The following PROSER3 variants were observed in gnomAD, a reference collection of about 807,000 sequenced individuals.
PROSER3 encodes the protein proline and serine-rich protein 3.
PROSER3 carries 33 observed loss-of-function variants against 50.2 expected under a neutral mutation model. That is an observed-to-expected ratio of 0.66 (90% CI 0.50 to 0.88). PROSER3 has a LOEUF of 0.88. PROSER3 is among the 40% of genes least tolerant of loss of function. The probability of loss-of-function intolerance (pLI) is 0.00; values close to 1 mark genes in which losing one functional copy is unlikely to be tolerated. For missense variants in PROSER3, 623 were observed against 612.7 expected (o/e 1.02, Z -0.18); for synonymous variants, 266 against 259.3 (o/e 1.03, Z -0.25).
chr19:35,768,575 G>T lies in PROSER3; in HGVS notation c.*30G>T, dbSNP rs371690177. On this transcript the variant is annotated 3_prime_UTR_variant, in exon 11 of 11. Transcript: ENST00000396908. Reference sequence around the variant, plus strand: ...TACAGATTCTATTTTACCCAGTGAGGCTCTTTTTTTTTTTTTCATACAGTT... The same window carrying T: ...TACAGATTCTATTTTACCCAGTGAGTCTCTTTTTTTTTTTTTCATACAGTT... The T allele has an allele frequency of 5.5e-5, 84 of 1,526,236 alleles. No homozygotes were observed. In the African/African-American group the frequency reaches 1.1e-3, roughly 21 times the overall value. 94.5% of individuals were successfully genotyped at this position (1,526,236 alleles called of 1,614,324 possible).
chr19:35,759,143 C>T, intron 1 of PROSER3: 1 of 512,042 alleles, frequency 2.0e-6, no homozygotes, highest in East Asian at 3.3e-5. Flanking sequence ...TTGAGAACCA[C>T]CGGCTGTCAG....
chr19:35,764,865 A>G lies in PROSER3; in HGVS notation c.555A>G (p.Thr185=), dbSNP rs574955514. Residue 185 remains threonine (T), a synonymous_variant, in exon 6 of 11, where the codon ACA becomes ACG. Coordinates refer to ENST00000396908, the Ensembl canonical transcript of PROSER3. ...CTGTCACCCTGCAGAACCTCCACAC[A>G]TGGAACTCATCCCTGCTGGACCTGG... 9.3e-6 allele frequency: 15 copies of G among 1,613,488 alleles called. No homozygotes were observed. The African/African-American group carries it at 9.3e-5, about 10-fold the overall frequency.
At position 35,768,590 on chromosome 19, in the gene PROSER3, T is replaced by C. The variant is rs561372555; in HGVS notation, c.*45T>C. ...ACCCAGTGAGGCTCTTTTTTTTTTT[T>C]TCATACAGTTACTGGTTATCTGTGA... On this transcript the variant is annotated 3_prime_UTR_variant, in exon 11 of 11. Coordinates refer to ENST00000396908, the Ensembl canonical transcript of PROSER3. 9.2e-6 allele frequency: 14 copies of C among 1,524,494 alleles called. No individual in the cohort carries two copies. The African/African-American group carries it at 2.0e-4, about 21-fold the overall frequency. The allele number at this position is 1,524,494 out of a possible 1,614,324, so 94.4% of individuals were successfully genotyped here.
intron 3 of PROSER3, among the ~76,000 whole-genome samples, chr19:35,760,428 C>T (rs999550174): frequency 6.6e-6 from 1 of 152,118 alleles, no homozygotes; most frequent in Non-Finnish European, 1.5e-5. Context: ...ACAGGCCAGA[C>T]GTACCATGCC....
intron 7 of PROSER3, among the ~76,000 whole-genome samples, chr19:35,766,498 C>T (rs928108945): frequency 2.6e-5 from 4 of 152,248 alleles, no homozygotes; most frequent in African/African-American, 9.6e-5. Flanking sequence ...GTGATCGCAC[C>T]ACTGCCCTCC....
intron 8 of PROSER3, chr19:35,767,465 T>A: frequency 4.6e-6 from 1 of 217,354 alleles, no homozygotes. Flanking sequence ...ACCTCCAGCC[T>A]CCACCCTCGC....
chr19:35,759,484 T>A lies in PROSER3; in HGVS notation c.108+14T>A, dbSNP rs774532361. 9 of 1,602,334 alleles carry A rather than the reference T, an allele frequency of 5.6e-6. No individual in the cohort carries two copies. In the South Asian group the frequency reaches 1.0e-4, roughly 18 times the overall value. ...TGGTGTCCCAAGGTGAGGACACCCC[T>A]CAAAGAGTGCTGAGTGCCAGCCCAG... On this transcript the variant is annotated intron_variant, in intron 2 of 10. Coordinates refer to ENST00000396908, the Ensembl canonical transcript of PROSER3.
In PROSER3 at chr19:35,767,774, C is replaced by G. The variant is rs1971204649; in HGVS notation, c.958-30C>G. 5 of 1,595,402 alleles carry G rather than the reference C, an allele frequency of 3.1e-6. No individual in the cohort carries two copies. In the African/African-American group the frequency reaches 4.0e-5, roughly 13 times the overall value. On this transcript the variant is annotated intron_variant, in intron 8 of 10. Transcript: ENST00000396908. ...ACAACCCCAAACCAAGGTCACTCCC[C>G]CTCCATCTGAATCCCAGTGTCGGGC...
At chr19:35,763,775 G>C (rs1279820265) in intron 5 of PROSER3, among the ~76,000 whole-genome samples, 1 of 150,888 alleles carries the variant, frequency 6.6e-6, no homozygotes, top group Non-Finnish European at 1.5e-5. Flanking sequence ...CAAAGTGCTA[G>C]GATTACAGGC....
chr19:35,759,670 T>C lies in PROSER3; in HGVS notation c.109-119T>C, dbSNP rs141430352. 9.0e-4 allele frequency: 987 copies of C among 1,092,514 alleles called. 3 individuals carry two copies. In the African/African-American group the frequency reaches 0.014, roughly 15 times the overall value. 67.7% of individuals were successfully genotyped at this position (1,092,514 alleles called of 1,614,324 possible). A position where few individuals can be genotyped will look rare whatever the true frequency, so the allele number is the denominator to read the frequency against. On this transcript the variant is annotated intron_variant, in intron 2 of 10. Transcript: ENST00000396908. ...GAGCCCCCATCACACTAGGTTGTTA[T>C]CATTACAGGATGTGTTTCCTCCCCT...
chr19:35,767,776 T>C (rs1971204847), intron 8 of PROSER3: 1 of 1,595,924 alleles, frequency 6.3e-7, no homozygotes, highest in African/African-American at 1.3e-5. Flanking sequence ...TCACTCCCCC[T>C]CCATCTGAAT....
chr19:35,769,875 C>T (rs957538614), downstream of PROSER3: 1 of 152,492 alleles, frequency 6.6e-6, no homozygotes, highest in Non-Finnish European at 1.5e-5. Flanking sequence ...GGATTACAGG[C>T]ACCTGCCACC....
At chr19:35,770,110 G>C (rs1971292636), downstream of PROSER3, among the ~76,000 whole-genome samples, 1 of 151,662 alleles carries the variant, frequency 6.6e-6, no homozygotes, top group Non-Finnish European at 1.5e-5. Flanking sequence ...TCACCATATT[G>C]GCCAGGCTGG....
exon 8 of PROSER3, chr19:35,766,916 A>G: frequency 6.4e-7 from 1 of 1,554,338 alleles, no homozygotes; most frequent in Non-Finnish European, 8.7e-7. Flanking sequence ...AGGGTGACAG[A>G]GCTTGGGTGC....
downstream of PROSER3, among the ~76,000 whole-genome samples, chr19:35,770,554 G>T (rs188349173): frequency 5.6e-4 from 85 of 152,300 alleles, 1 homozygote; most frequent in Admixed American, 3.9e-4. Context: ...AGGAAGTGAT[G>T]CAGCTTAACT....
rs77797797 is a variant in PROSER3 at position 35,759,610 on chromosome 19, C to T, written c.108+140C>T. On this transcript the variant is annotated intron_variant, in intron 2 of 10. Coordinates refer to ENST00000396908, the Ensembl canonical transcript of PROSER3. ...CTTGTCCCCTCCCCACGGCCCTGCC[C>T]TTGTCCCCCTCTCTACCACCTGGAT... The T allele has an allele frequency of 4.3e-3, 4,225 of 993,746 alleles. 16 individuals carry two copies. Among genetic ancestry groups the T allele is most frequent in the Admixed American group, 6.5e-3 (275 of 42,424 alleles). The allele number at this position is 993,746 out of a possible 1,614,324, so 61.6% of individuals were successfully genotyped here. A position where few individuals can be genotyped will look rare whatever the true frequency, so the allele number is the denominator to read the frequency against.
chr19:35,769,936 G>C (rs1164688378), downstream of PROSER3: 1 of 152,096 alleles, frequency 6.6e-6, no homozygotes, highest in East Asian at 1.9e-4. Flanking sequence ...ACAGAGTCTT[G>C]CTCTGTCCCC....
chr19:35,767,947 G>T, exon 9 of PROSER3: 1 of 1,610,526 alleles, frequency 6.2e-7, no homozygotes. Flanking sequence ...TCAAGGCCTC[G>T]CCGCCAGCCT....
rs748316377 is a variant in PROSER3, at chr19:35,759,973, G to T, written c.293G>T (p.Gly98Val). ...CCAGCACCCACCCTGATTGACAGCG[G>T]GGACTCCGTGGTGGCCAAGTAAGTA... is the stretch of plus-strand genomic sequence containing the variant. Residue 98 changes from glycine to valine, a missense_variant, in exon 3 of 11, where the codon GGG (glycine) becomes GTG (valine). Gly to Val is a moderately radical substitution (Grantham distance 109). Around this residue, in one of 3 missense-constraint regions of PROSER3, gnomAD observed 236 missense variants for 243.6 expected, o/e 0.97. Coordinates refer to ENST00000396908, the Ensembl canonical transcript of PROSER3. The T allele has an allele frequency of 2.5e-6, 4 of 1,596,412 alleles. No homozygotes were observed. In the African/African-American group the frequency reaches 5.4e-5, roughly 21 times the overall value.
Sources: gnomAD v4.1 joint callset for allele counts (sites outside exome capture counted in the v4.1 genomes callset) on GRCh38, gnomAD v4.1.1 for gene constraint, gnomAD v4.1.1 regional missense constraint, MANE v1.5 for transcripts, NCBI Gene and HGNC (gene_info 2026-07-23, HGNC 2026-07-21) for gene names.